Variants in FAM186B observed in about 807,000 individuals in gnomAD.
FAM186B encodes family with sequence similarity 186 member B.
A neutral mutation model predicts 83.4 loss-of-function variants in FAM186B; 68 were observed. The observed-to-expected ratio is 0.81, with a 90% confidence interval of 0.67 to 1.00. The LOEUF (loss-of-function observed/expected upper bound fraction) is 1.00, where lower values mean the gene tolerates loss of function less well. FAM186B is among the 50% of genes least tolerant of loss of function. FAM186B has a pLI of 0.00. For missense variants in FAM186B, 983 were observed against 1,099.2 expected, an observed-to-expected ratio of 0.89 and a Z score of 1.49; for synonymous variants, 389 against 422.0, an observed-to-expected ratio of 0.92 and a Z score of 0.96.
chr12:49,610,142 GA>G (rs559931121), upstream of FAM186B, among the ~76,000 whole-genome samples: 2,394 of 114,712 alleles, frequency 0.021, 51 homozygotes, highest in African/African-American at 0.066. Flanking sequence ...AGGGAAGGTG[GA>G]AAAAAAAAAA....
Position 49,600,745 on chromosome 12 carries a change from T to G in FAM186B, c.895A>C (p.Ile299Leu), listed in dbSNP as rs1431219693. Reference sequence around the variant, plus strand: ...AGGTCATGGTACCTTCCCCCTAAGATCTCTACCTGCTTCAGCAGAGCATCC... The same window carrying G: ...AGGTCATGGTACCTTCCCCCTAAGAGCTCTACCTGCTTCAGCAGAGCATCC... Reference protein sequence around the residue: ...RRDALLKQVEILGGRYHDLLL... With the variant: ...RRDALLKQVELLGGRYHDLLL... Residue 299 changes from isoleucine (I) to leucine (L), a missense_variant, in exon 4 of 7, where the codon ATC becomes CTC. Coordinates refer to ENST00000257894, the MANE Select transcript of FAM186B (RefSeq NM_032130.3). This position sits in a 1 kb window ranked among gnomAD's most constrained non-coding sequence, Gnocchi z 4.3. The G allele has an allele frequency of 1.2e-6, 2 of 1,614,082 alleles. No homozygotes were observed. The highest frequency in any genetic ancestry group is 3.3e-5 in the Admixed American group (2 of 60,024).
chr12:49,595,082 G>A (rs1287052836), intron 5 of FAM186B: 1 of 269,862 alleles, frequency 3.7e-6, no homozygotes, highest in African/African-American at 2.2e-5. Context: ...TAAAGTCTTA[G>A]TATAAAATAG....
At chr12:49,603,424 G>C in intron 2 of FAM186B, 57 bp from the exon 3 acceptor site, 1 of 1,568,816 alleles carries the variant, frequency 6.4e-7, no homozygotes, top group Non-Finnish European at 8.7e-7. Flanking sequence ...GGGGGACACA[G>C]ACAGCCCTAT....
At chr12:49,599,024 T>C in intron 4 of FAM186B, 77 bp from the exon 5 acceptor site, 1 of 1,444,024 alleles carries the variant, frequency 6.9e-7, no homozygotes, top group Non-Finnish European at 9.4e-7. Context: ...AGAGATGACT[T>C]TGTTTTCTTT....
At chr12:49,599,034 T>G in intron 4 of FAM186B, 87 bp from the exon 5 acceptor site, 1 of 1,382,700 alleles carries the variant, frequency 7.2e-7, no homozygotes, top group Non-Finnish European at 9.9e-7. Flanking sequence ...TTGTTTTCTT[T>G]AATTCCTTAG....
intron 3 of FAM186B, among the ~76,000 whole-genome samples, chr12:49,602,377 G>T (rs1939914331): frequency 6.6e-6 from 1 of 152,116 alleles, no homozygotes; most frequent in East Asian, 1.9e-4. Context: ...TGATAATGAG[G>T]CTGGCCATGA....
At chr12:49,604,585 C>T (rs1468976430) in intron 1 of FAM186B, 47 bp from the exon 2 acceptor site, 2 of 1,519,168 alleles carry the variant, frequency 1.3e-6, no homozygotes, top group Non-Finnish European at 1.8e-6. Flanking sequence ...GGACTTGAGC[C>T]AGAAGCCACA....
At chr12:49,585,480 G>A (rs1421359341), downstream of FAM186B, among the ~76,000 whole-genome samples, 2 of 152,208 alleles carry the variant, frequency 1.3e-5, no homozygotes, top group African/African-American at 4.8e-5. Context: ...GGACATGCTT[G>A]TAAGACAAAG....
At chr12:49,605,768 T>C (rs1384508439), upstream of FAM186B, 5 of 238,022 alleles carry the variant, frequency 2.1e-5, no homozygotes, top group Admixed American at 1.1e-4. Flanking sequence ...CTTTTTTTTT[T>C]TTTTTTTTTG....
downstream of FAM186B, among the ~76,000 whole-genome samples, chr12:49,587,009 G>A (rs904638054): frequency 2.0e-5 from 3 of 152,190 alleles, no homozygotes; most frequent in African/African-American, 7.2e-5. Context: ...GAGGCAGATG[G>A]GATTGCTCAT....
upstream of FAM186B, among the ~76,000 whole-genome samples, chr12:49,608,604 G>T (rs1940057065): frequency 6.6e-6 from 1 of 151,686 alleles, no homozygotes; most frequent in African/African-American, 2.4e-5. Flanking sequence ...GATCAACTCT[G>T]TGGGCTTTAA....
At chr12:49,587,174 T>A (rs1160156434), downstream of FAM186B, among the ~76,000 whole-genome samples, 7 of 151,928 alleles carry the variant, frequency 4.6e-5, no homozygotes, top group Admixed American at 4.6e-4. Context: ...TAGGGACCGT[T>A]CTTGAAGATA....
At chr12:49,605,142 C>T (rs1592557607) in intron 1 of FAM186B, 9 of 1,341,806 alleles carry the variant, frequency 6.7e-6, no homozygotes, top group African/African-American at 4.5e-5. Flanking sequence ...TATCCTCGAG[C>T]TTCCTGCCCC....
upstream of FAM186B, among the ~76,000 whole-genome samples, chr12:49,607,803 G>C (rs1448649184): frequency 6.6e-6 from 1 of 152,090 alleles, no homozygotes; most frequent in African/African-American, 2.4e-5. Context: ...GGGTTCAAGT[G>C]ATTCTCCCAC....
At chr12:49,584,577 T>C (rs2138227645), downstream of FAM186B, 2 of 702,426 alleles carry the variant, frequency 2.8e-6, no homozygotes, top group South Asian at 1.5e-5. Flanking sequence ...GATTCATTTG[T>C]AGGTTCCTGG....
intron 1 of FAM186B, chr12:49,605,180 C>T (rs774918937): frequency 4.6e-5 from 64 of 1,396,868 alleles, no homozygotes; most frequent in African/African-American, 5.8e-5. Context: ...CTGCCTCAGG[C>T]GGGTGGTTGC....
downstream of FAM186B, chr12:49,582,890 A>G: frequency 2.6e-6 from 1 of 380,078 alleles, no homozygotes; most frequent in South Asian, 1.9e-5. Context: ...AAAGATACAC[A>G]CACATATATA....
upstream of FAM186B, among the ~76,000 whole-genome samples, chr12:49,606,720 T>C (rs1026082341): frequency 6.6e-6 from 1 of 152,166 alleles, no homozygotes; most frequent in Admixed American, 6.5e-5. Context: ...CAGGAGTTGA[T>C]AGAAGTAGCA....
intron 5 of FAM186B, among the ~76,000 whole-genome samples, chr12:49,589,013 G>A (rs1181461242): frequency 6.6e-6 from 1 of 152,142 alleles, no homozygotes; most frequent in Non-Finnish European, 1.5e-5. Context: ...CCTGGCACTG[G>A]GTGAGGAGCT....
Sources: gnomAD v4.1 joint callset for allele counts (sites outside exome capture counted in the v4.1 genomes callset) on GRCh38, gnomAD v4.1.1 for gene constraint, Gnocchi (gnomAD v3.1) non-coding constraint, MANE v1.5 for transcripts, NCBI Gene and HGNC (gene_info 2026-07-23, HGNC 2026-07-21) for gene names.